DGKZ: variants seen among roughly 807,000 people sequenced by gnomAD.
DGKZ encodes diacylglycerol kinase zeta.
A neutral mutation model predicts 142.5 loss-of-function variants in DGKZ; 45 were observed. The ratio of observed to expected loss-of-function variants is 0.32; its 90% confidence interval spans 0.25 to 0.40. The LOEUF is 0.40. Among genes scored for constraint, DGKZ ranks in the 10% least tolerant of loss-of-function variants. DGKZ has a pLI of 1.00. For synonymous variants in DGKZ, 442 were observed against 527.0 expected, an observed-to-expected ratio of 0.84 and a Z score of 2.21; for missense variants, 755 against 1,306.5, an observed-to-expected ratio of 0.58 and a Z score of 6.51.
chr11:46,376,984 G>A, intron 24 of DGKZ, 89 bp from the exon 25 acceptor site: 1 of 1,214,062 alleles, frequency 8.2e-7, no homozygotes, highest in Non-Finnish European at 1.2e-6. Context: ...TGTGCTCATG[G>A]CAGAGGCTTC....
chr11:46,336,762 C>T (rs2136375071), intron 1 of DGKZ, among the ~76,000 whole-genome samples: 1 of 152,208 alleles, frequency 6.6e-6, no homozygotes, highest in South Asian at 2.1e-4. Flanking sequence ...GCCGTGTTGC[C>T]AGGCTGGTCT....
At chr11:46,373,232 G>GTACAA in intron 14 of DGKZ, 131 bp downstream of exon 14, 3 of 985,022 alleles carry the variant, frequency 3.0e-6, no homozygotes, top group Non-Finnish European at 4.2e-6. Flanking sequence ...CTTGTACGAT[G>GTACAA]GGAATAATAG....
intron 1 of DGKZ, among the ~76,000 whole-genome samples, chr11:46,342,430 G>T (rs1465505438): frequency 1.3e-5 from 2 of 152,198 alleles, no homozygotes; most frequent in Non-Finnish European, 2.9e-5. Flanking sequence ...CAGCTCCAGG[G>T]CTGCCAGACG....
At chr11:46,366,943 G>GC (rs1565046967) in intron 1 of DGKZ, 1 of 1,539,238 alleles carries the variant, frequency 6.5e-7, no homozygotes, top group East Asian at 2.4e-5. Flanking sequence ...TAGCCCTACG[G>GC]CGCAAGGCGG....
Position 46,379,018 on chromosome 11 carries a change from G to A in DGKZ, c.2446G>A (p.Asp816Asn), listed in dbSNP as rs754960999. The change falls in exon 28 of 31, where the codon GAC becomes AAC. Residue 816 changes from aspartate to asparagine, a missense_variant. This residue lies in a region of DGKZ where 87 missense variants were observed against 112.2 expected (regional missense o/e 0.78). Transcript: ENST00000527911. ...CCAGGAGCTGCACCGAGCTGGGGGC[G>A]ACCTCATGCACCGAGACGAGCAGAG... 2.0e-5 allele frequency: 32 copies of A among 1,583,854 alleles called. No individual in the cohort carries two copies. The highest frequency in any genetic ancestry group is 2.6e-5 in the Non-Finnish European group (30 of 1,172,388).
At chr11:46,376,884 A>C (rs1391231683) in intron 24 of DGKZ, 189 bp from the exon 25 acceptor site, 1 of 650,082 alleles carries the variant, frequency 1.5e-6, no homozygotes, top group Admixed American at 2.9e-5. Context: ...CACCTGGTAA[A>C]GTCTGGGCAG....
rs553170393 is a variant in DGKZ, at chr11:46,376,450, C to T, written c.2161+53C>T. The stretch of plus-strand genomic sequence containing the variant: ...GTTTCGTGTTCCCTCCCTAGGGGAT[C>T]CCAGGTAGGGGCAGCAGAGGACCTG... On this transcript the variant is annotated intron_variant, in intron 23 of 30. Transcript: ENST00000527911. The T allele has an allele frequency of 6.2e-6, 10 of 1,613,876 alleles. No individual in the cohort carries two copies. The East Asian group carries it at 1.8e-4, about 29-fold the overall frequency.
intron 29 of DGKZ, 49 bp from the exon 30 acceptor site, chr11:46,379,420 G>A: frequency 1.3e-6 from 2 of 1,592,270 alleles, no homozygotes; most frequent in Non-Finnish European, 1.7e-6. Context: ...AGACAGATGG[G>A]TGGATCAGGG....
exon 31 of DGKZ, chr11:46,379,998 C>G (rs756761801): frequency 2.4e-5 from 36 of 1,513,976 alleles, no homozygotes; most frequent in Non-Finnish European, 3.0e-5. Context: ...GGACGAGCGC[C>G]TTCCTTGCCC....
chr11:46,349,029 G>A (rs570647217), intron 1 of DGKZ, among the ~76,000 whole-genome samples: 4 of 152,316 alleles, frequency 2.6e-5, no homozygotes, highest in East Asian at 3.9e-4. Context: ...TAACATGGGC[G>A]GTTTTCTCCT....
At chr11:46,339,686 T>A (rs1940182989) in intron 1 of DGKZ, among the ~76,000 whole-genome samples, 1 of 152,222 alleles carries the variant, frequency 6.6e-6, no homozygotes, top group African/African-American at 2.4e-5. Context: ...GGAGGGAACC[T>A]GGGAAGGCCA....
At chr11:46,336,555 C>G (rs1940024694) in intron 1 of DGKZ, among the ~76,000 whole-genome samples, 1 of 152,140 alleles carries the variant, frequency 6.6e-6, no homozygotes, top group Non-Finnish European at 1.5e-5. Flanking sequence ...CAGTGAGACC[C>G]TGTCTCTACA....
At chr11:46,344,344 G>A (rs116737164), upstream of DGKZ, among the ~76,000 whole-genome samples, 1,137 of 152,132 alleles carry the variant, frequency 7.5e-3, 19 homozygotes, top group African/African-American at 0.024. Flanking sequence ...TATGTTCTCC[G>A]ATACGGTGCC....
Position 46,376,160 on chromosome 11 carries a change from C to T in DGKZ, c.2091+15C>T. On this transcript the variant is annotated intron_variant, in intron 22 of 30. Transcript: ENST00000527911. ...GACTCCAGCAGGTAAGGGGTGGGGG[C>T]TTCCCCAGGTGCCCACCGAGAGGGT... 6.2e-7 allele frequency: 1 copy of T among 1,606,956 alleles called. No individual in the cohort carries two copies. Among genetic ancestry groups the T allele is most frequent in the Non-Finnish European group, 8.5e-7 (1 of 1,178,342 alleles).
chr11:46,366,908 C>A, intron 1 of DGKZ: 1 of 1,546,820 alleles, frequency 6.5e-7, no homozygotes, highest in Non-Finnish European at 8.7e-7. Context: ...CACCCGTGTG[C>A]GCCCACTGTC....
intron 6 of DGKZ, 33 bp from the exon 7 acceptor site, chr11:46,371,280 G>A (rs752120606): frequency 6.2e-7 from 1 of 1,607,346 alleles, no homozygotes; most frequent in Non-Finnish European, 8.5e-7. Context: ...CTCCACGCCT[G>A]CCCTGGTTCC....
chr11:46,369,662 C>CACTGAGGTCTG, intron 5 of DGKZ, 112 bp downstream of exon 5: 1 of 1,399,084 alleles, frequency 7.1e-7, no homozygotes, highest in Non-Finnish European at 1.0e-6. Flanking sequence ...GGCTGCTGCT[C>CACTGAGGTCTG]ACTGAGGTCT....
At chr11:46,379,728 C>A in intron 30 of DGKZ, 103 bp from the exon 31 acceptor site, 1 of 1,337,674 alleles carries the variant, frequency 7.5e-7, no homozygotes, top group Non-Finnish European at 1.0e-6. Context: ...GAGAGGCCTC[C>A]CTCCCTGACC....
intron 1 of DGKZ, among the ~76,000 whole-genome samples, chr11:46,335,291 C>T (rs1013528235): frequency 8.1e-5 from 12 of 148,480 alleles, no homozygotes; most frequent in Admixed American, 5.3e-4. Context: ...TCTAGCCTGG[C>T]GACAGAGGGT....
Sources: allele counts gnomAD v4.1 joint callset (sites outside exome capture counted in the v4.1 genomes callset), GRCh38; gene constraint gnomAD v4.1.1; regional missense constraint gnomAD v4.1.1; transcripts MANE v1.5; gene names NCBI Gene and HGNC (gene_info 2026-07-23, HGNC 2026-07-21).